Variants in GHR observed in about 807,000 individuals in gnomAD.
The protein encoded by GHR is growth hormone receptor, also known as GH receptor.
In GHR, 35 loss-of-function variants were observed where a neutral mutation model predicts 67.1. The ratio of observed to expected loss-of-function variants is 0.52; its 90% CI spans 0.40 to 0.69. The LOEUF (loss-of-function observed/expected upper bound fraction) is 0.69. GHR is among the 30% of genes least tolerant of loss of function. The probability of loss-of-function intolerance (pLI) is 0.00; values close to 1 mark genes in which losing one functional copy is unlikely to be tolerated. For synonymous variants in GHR, 272 were observed against 269.1 expected, an observed-to-expected ratio of 1.01 and a Z score of -0.10; for missense variants, 792 against 764.6, an observed-to-expected ratio of 1.04 and a Z score of -0.42.
At chr5:42,466,063 C>T (rs1744719944) in intron 1 of GHR, 1 of 391,944 alleles carries the variant, frequency 2.6e-6, no homozygotes, top group African/African-American at 2.1e-5. Context: ...ATTCCTCTAT[C>T]CAGGAAGGGG....
intron 2 of GHR, among the ~76,000 whole-genome samples, chr5:42,606,823 G>C (rs1051565730): frequency 6.6e-6 from 1 of 151,938 alleles, no homozygotes; most frequent in Admixed American, 6.6e-5. Flanking sequence ...AATATCGCCT[G>C]TTCACTCTGT....
At chr5:42,451,882 G>A (rs956539156) in intron 1 of GHR, among the ~76,000 whole-genome samples, 4 of 152,102 alleles carry the variant, frequency 2.6e-5, no homozygotes, top group African/African-American at 9.7e-5. Context: ...TCTTTTAAGT[G>A]GAGCATTTAG....
rs190131069 is a variant in GHR, at chr5:42,590,444, G to A, written c.70+24500G>A. Among the ~76,000 whole-genome samples, 17 of 152,140 alleles carry A rather than the reference G, an allele frequency of 1.1e-4. No homozygotes were observed. The East Asian group carries it at 2.9e-3, about 26-fold the overall frequency. On this transcript the variant is annotated intron_variant, in intron 2 of 9. Coordinates refer to ENST00000230882, the MANE Select transcript of GHR (RefSeq NM_000163.5). ...TTTCTTTTATTTTCTTCCTTCCATT[G>A]CTTATTGGCATTTATTGTGGGGAAG...
chr5:42,466,147 C>G (rs1744724246), intron 1 of GHR: 1 of 300,582 alleles, frequency 3.3e-6, no homozygotes. Flanking sequence ...GAGGAGTTGT[C>G]AATCTTAACA....
intron 2 of GHR, among the ~76,000 whole-genome samples, chr5:42,621,165 G>A (rs1234931762): frequency 6.6e-6 from 1 of 152,076 alleles, no homozygotes; most frequent in Non-Finnish European, 1.5e-5. Context: ...AGCTGGGCAG[G>A]ATGTTTTGCT....
chr5:42,694,000 C>T (rs1321014746), intron 4 of GHR, among the ~76,000 whole-genome samples: 1 of 152,190 alleles, frequency 6.6e-6, no homozygotes, highest in South Asian at 2.1e-4. Context: ...TACTTCCTTA[C>T]CTCAATCCCT....
At chr5:42,476,344 C>T (rs533325212) in intron 1 of GHR, among the ~76,000 whole-genome samples, 20 of 152,172 alleles carry the variant, frequency 1.3e-4, no homozygotes, top group African/African-American at 4.8e-4. Context: ...CTCAGCCTCC[C>T]GAGTAGCTGG....
chr5:42,544,029 T>G (rs1164746050), intron 1 of GHR, among the ~76,000 whole-genome samples: 1 of 152,126 alleles, frequency 6.6e-6, no homozygotes, highest in African/African-American at 2.4e-5. Context: ...TTAAAGTTAT[T>G]TTTAAGGTTA....
intron 1 of GHR, among the ~76,000 whole-genome samples, chr5:42,477,852 T>C (rs1745413786): frequency 6.6e-6 from 1 of 152,226 alleles, no homozygotes; most frequent in East Asian, 1.9e-4. Flanking sequence ...ACTCTGATGG[T>C]AGTTTCTTTT....
intron 1 of GHR, among the ~76,000 whole-genome samples, chr5:42,505,985 T>C (rs769912186): frequency 2.6e-5 from 4 of 152,190 alleles, no homozygotes; most frequent in Non-Finnish European, 5.9e-5. Context: ...CCAAAATGTA[T>C]TGAATAAGTA....
At chr5:42,464,852 G>A (rs1050044656) in intron 1 of GHR, among the ~76,000 whole-genome samples, 3 of 152,190 alleles carry the variant, frequency 2.0e-5, no homozygotes, top group African/African-American at 7.2e-5. Flanking sequence ...GGAAGGGAAT[G>A]TGACCCTCTT....
At chr5:42,448,299 A>C (rs1000935945) in intron 1 of GHR, among the ~76,000 whole-genome samples, 1 of 152,136 alleles carries the variant, frequency 6.6e-6, no homozygotes, top group African/African-American at 2.4e-5. Flanking sequence ...TGCAGGTGTA[A>C]GGTGATATCA....
At chr5:42,658,899 G>T (rs1755407031) in intron 3 of GHR, among the ~76,000 whole-genome samples, 1 of 152,136 alleles carries the variant, frequency 6.6e-6, no homozygotes, top group Admixed American at 6.5e-5. Context: ...TTTAAGAGTG[G>T]ATGTGGATTA....
intron 1 of GHR, among the ~76,000 whole-genome samples, chr5:42,539,439 C>T (rs762369662): frequency 1.3e-5 from 2 of 152,172 alleles, no homozygotes; most frequent in African/African-American, 2.4e-5. Context: ...TGTTATCTCT[C>T]TTCTGGGTCT....
intron 2 of GHR, among the ~76,000 whole-genome samples, chr5:42,611,460 T>A (rs545848448): frequency 6.6e-6 from 1 of 152,294 alleles, no homozygotes; most frequent in Admixed American, 6.5e-5. Context: ...TTCATACTGT[T>A]CTCTTCAACT....
chr5:42,647,299 G>T (rs1754784702), intron 3 of GHR, among the ~76,000 whole-genome samples: 1 of 152,064 alleles, frequency 6.6e-6, no homozygotes, highest in Non-Finnish European at 1.5e-5. Context: ...AATCGGCCGG[G>T]CGTTGTGGCT....
At chr5:42,464,811 A>G (rs1041837050) in intron 1 of GHR, among the ~76,000 whole-genome samples, 9 of 152,158 alleles carry the variant, frequency 5.9e-5, no homozygotes, top group Non-Finnish European at 8.8e-5. Flanking sequence ...TATCATTATG[A>G]GTATCTTCTG....
At chr5:42,553,173 A>G (rs1369147100) in intron 1 of GHR, among the ~76,000 whole-genome samples, 1 of 152,204 alleles carries the variant, frequency 6.6e-6, no homozygotes, top group African/African-American at 2.4e-5. Context: ...TTATTGTCCC[A>G]CAGTTCCATA....
intron 1 of GHR, among the ~76,000 whole-genome samples, chr5:42,534,278 G>C (rs1342770751): frequency 7.2e-6 from 1 of 138,694 alleles, no homozygotes; most frequent in Non-Finnish European, 1.5e-5. Flanking sequence ...GTGTATATAT[G>C]TATATATGTA....
Sources: allele counts gnomAD v4.1 joint callset (sites outside exome capture counted in the v4.1 genomes callset), GRCh38; gene constraint gnomAD v4.1.1; transcripts MANE v1.5; gene names NCBI Gene and HGNC (gene_info 2026-07-23, HGNC 2026-07-21).